ZFHX3: variants seen among roughly 807,000 people sequenced by gnomAD.
ZFHX3 encodes zinc finger homeobox 3.
A neutral mutation model predicts 279.1 loss-of-function variants in ZFHX3; 42 were observed. The ratio of observed to expected loss-of-function variants is 0.15; its 90% confidence interval spans 0.12 to 0.19. ZFHX3 has a LOEUF of 0.19. Ranked by LOEUF, ZFHX3 falls within the 10% of genes least tolerant of loss-of-function variation. The probability of loss-of-function intolerance (pLI) is 1.00; values close to 1 mark genes in which losing one functional copy is unlikely to be tolerated. For missense variants in ZFHX3, 4,981 were observed against 4,754.0 expected (o/e 1.05, Z -1.40); for synonymous variants, 2,293 against 1,957.8 (o/e 1.17, Z -4.52).
At chr16:73,035,263 TCCA>T (rs1964858219) in intron 1 of ZFHX3, among the ~76,000 whole-genome samples, 1 of 152,214 alleles carries the variant, frequency 6.6e-6, no homozygotes, top group African/African-American at 2.4e-5. Flanking sequence ...GAAAATTCAT[TCCA>T]CCTGTTTCTC....
intron 4 of ZFHX3, among the ~76,000 whole-genome samples, chr16:72,869,383 T>A (rs998574959): frequency 1.5e-3 from 42 of 28,502 alleles, no homozygotes; most frequent in Non-Finnish European, 3.0e-3. Context: ...CTAAAGGTGT[T>A]TTTTTTTTCT....
chr16:72,948,364 T>C (rs1960810196), intron 3 of ZFHX3, among the ~76,000 whole-genome samples: 2 of 152,106 alleles, frequency 1.3e-5, no homozygotes, highest in South Asian at 2.1e-4. Context: ...CGCCATCTTT[T>C]TGAGCAACAG....
intron 2 of ZFHX3, among the ~76,000 whole-genome samples, chr16:73,631,607 A>G (rs2052469288): frequency 6.6e-6 from 1 of 152,224 alleles, no homozygotes; most frequent in South Asian, 2.1e-4. Flanking sequence ...CTGTAATAAA[A>G]GTGCTTTGCA....
intron 7 of ZFHX3, among the ~76,000 whole-genome samples, chr16:73,113,122 A>G (rs1293312355): frequency 3.9e-5 from 6 of 152,120 alleles, no homozygotes; most frequent in African/African-American, 1.4e-4. Context: ...GAGAGGAGGA[A>G]GAGAGAAGAG....
At chr16:73,449,681 T>G (rs1368155775) in intron 3 of ZFHX3, among the ~76,000 whole-genome samples, 2 of 152,132 alleles carry the variant, frequency 1.3e-5, no homozygotes, top group Non-Finnish European at 2.9e-5. Flanking sequence ...ATTACAAACC[T>G]TGATGAAGTA....
intron 1 of ZFHX3, among the ~76,000 whole-genome samples, chr16:72,997,330 G>A (rs982069162): frequency 6.6e-6 from 1 of 152,128 alleles, no homozygotes; most frequent in Non-Finnish European, 1.5e-5. Context: ...GTCTCTGTTT[G>A]AGCAACAGCT....
intron 3 of ZFHX3, among the ~76,000 whole-genome samples, chr16:73,453,947 G>T (rs1030972081): frequency 2.6e-5 from 4 of 152,170 alleles, no homozygotes; most frequent in South Asian, 2.1e-4. Context: ...TGTGGGAATT[G>T]TGGGAGCTGT....
intron 3 of ZFHX3, among the ~76,000 whole-genome samples, chr16:73,421,966 G>T (rs2017726588): frequency 6.6e-6 from 1 of 152,096 alleles, no homozygotes; most frequent in South Asian, 2.1e-4. Context: ...CAAGATTCCA[G>T]GACAAATCAC....
At chr16:73,370,054 C>G (rs2016598120) in intron 3 of ZFHX3, among the ~76,000 whole-genome samples, 1 of 152,220 alleles carries the variant, frequency 6.6e-6, no homozygotes, top group Admixed American at 6.5e-5. Flanking sequence ...AAAGTTTTCA[C>G]ACTGAGGTCA....
chr16:73,835,458 CTTTTTTT>C (rs34127285), intron 1 of ZFHX3, among the ~76,000 whole-genome samples: 3 of 49,538 alleles, frequency 6.1e-5, no homozygotes, highest in African/African-American at 2.1e-4. Flanking sequence ...CCCTCTTCTG[CTTTTTTT>C]TTTTTTTTTT....
chr16:72,976,198 A>G (rs768297487), intron 1 of ZFHX3, among the ~76,000 whole-genome samples: 7 of 152,216 alleles, frequency 4.6e-5, no homozygotes, highest in Non-Finnish European at 1.0e-4. Context: ...TCATGCCTAG[A>G]GCTCTGCTCA....
At chr16:73,672,171 T>C (rs1323471278) in intron 2 of ZFHX3, among the ~76,000 whole-genome samples, 18 of 152,174 alleles carry the variant, frequency 1.2e-4, no homozygotes, top group Non-Finnish European at 1.8e-4. Flanking sequence ...AAACACCATC[T>C]ATTATATAAT....
intron 4 of ZFHX3, among the ~76,000 whole-genome samples, chr16:72,858,137 A>T (rs1407813690): frequency 6.6e-6 from 1 of 152,176 alleles, no homozygotes; most frequent in Non-Finnish European, 1.5e-5. Context: ...ATACCCTAAA[A>T]ACTAACAAGG....
intron 2 of ZFHX3, among the ~76,000 whole-genome samples, chr16:73,531,090 C>G (rs74030103): frequency 0.05 from 7,588 of 152,290 alleles, 503 homozygotes; most frequent in African/African-American, 0.15. Context: ...GGGAAACTTA[C>G]CAGTTGCATG....
chr16:73,687,846 C>CAAA (rs535371406), intron 1 of ZFHX3, among the ~76,000 whole-genome samples: 2,590 of 63,834 alleles, frequency 0.041, 284 homozygotes, highest in African/African-American at 0.13. Context: ...GACTCTGTCT[C>CAAA]AAAAAAAAAA....
chr16:72,864,608 A>G (rs1597323866), intron 4 of ZFHX3, among the ~76,000 whole-genome samples: 3 of 152,354 alleles, frequency 2.0e-5, no homozygotes. Flanking sequence ...TTGTGAATGA[A>G]GCACCAAATA....
intron 3 of ZFHX3, among the ~76,000 whole-genome samples, chr16:72,912,475 A>T (rs2039343361): frequency 6.6e-6 from 1 of 152,202 alleles, no homozygotes. Flanking sequence ...TCTGAAAAGA[A>T]ACTTATTTGG....
At chr16:73,670,008 A>G (rs1250040753) in intron 2 of ZFHX3, among the ~76,000 whole-genome samples, 2 of 152,226 alleles carry the variant, frequency 1.3e-5, no homozygotes, top group African/African-American at 2.4e-5. Context: ...AAACATTTAT[A>G]TGAATAAAAA....
At chr16:73,361,169 G>A (rs1422026765) in intron 3 of ZFHX3, among the ~76,000 whole-genome samples, 1 of 152,228 alleles carries the variant, frequency 6.6e-6, no homozygotes, top group Non-Finnish European at 1.5e-5. Flanking sequence ...CGGTAGGCTG[G>A]CACGTTGGTG....
Sources: gnomAD v4.1 joint callset for allele counts (sites outside exome capture counted in the v4.1 genomes callset) on GRCh38, gnomAD v4.1.1 for gene constraint, MANE v1.5 for transcripts, NCBI Gene and HGNC (gene_info 2026-07-23, HGNC 2026-07-21) for gene names.